MACROD1: variants seen among roughly 807,000 people sequenced by gnomAD.
The protein encoded by MACROD1 is mono-ADP ribosylhydrolase 1.
A neutral mutation model predicts 41.4 loss-of-function variants in MACROD1; 31 were observed. The ratio of observed to expected loss-of-function variants is 0.75; its 90% CI spans 0.56 to 1.01. The LOEUF is 1.01. MACROD1 is among the 50% of genes least tolerant of loss of function. The pLI, the probability that MACROD1 is intolerant of heterozygous loss-of-function variation, is 0.00. For synonymous variants in MACROD1, 252 were observed against 203.4 expected, an observed-to-expected ratio of 1.24 and a Z score of -2.03; for missense variants, 473 against 460.0, an observed-to-expected ratio of 1.03 and a Z score of -0.26.
chr11:64,092,499 C>G (rs1419064753), intron 3 of MACROD1, among the ~76,000 whole-genome samples: 1 of 152,228 alleles, frequency 6.6e-6, no homozygotes, highest in Non-Finnish European at 1.5e-5. Flanking sequence ...GGTCTTGACA[C>G]AGCATCCACG....
chr11:64,085,744 A>G (rs11231691), intron 3 of MACROD1, among the ~76,000 whole-genome samples: 113,544 of 152,138 alleles, frequency 0.75, 42,479 homozygotes, highest in Middle Eastern at 0.83. Context: ...AGTGTTGTCC[A>G]TTGGGGGCCT....
chr11:64,114,005 T>C (rs1944918078), intron 3 of MACROD1, among the ~76,000 whole-genome samples: 1 of 136,660 alleles, frequency 7.3e-6, no homozygotes, highest in African/African-American at 2.7e-5. Flanking sequence ...AATGGACAGG[T>C]GGATGCATGG....
At position 63,999,567 on chromosome 11, in the gene MACROD1, G is replaced by T. The variant is rs754916161; in HGVS notation, c.787-7C>A. ...TGGAGATGCAGGGGAACGCCTGGGC[G>T]GGGAGGGGTGAGAGGGGGTTGGAAC... is the stretch of plus-strand genomic sequence containing the variant. On this transcript the variant is annotated splice_polypyrimidine_tract_variant and splice_region_variant and intron_variant, in intron 6 of 10. Coordinates refer to ENST00000255681, the MANE Select transcript of MACROD1 (RefSeq NM_014067.4). 1 of 1,610,010 alleles carries T rather than the reference G, an allele frequency of 6.2e-7. No homozygotes were observed. Among genetic ancestry groups the T allele is most frequent in the Non-Finnish European group, 8.5e-7 (1 of 1,178,768 alleles).
chr11:64,134,424 G>T (rs867112789), intron 3 of MACROD1, among the ~76,000 whole-genome samples: 1 of 152,242 alleles, frequency 6.6e-6, no homozygotes, highest in Non-Finnish European at 1.5e-5. Context: ...AAGGGCAAGG[G>T]AGCTGGTGGG....
chr11:64,109,040 A>G (rs1329744239), intron 3 of MACROD1, among the ~76,000 whole-genome samples: 1 of 152,042 alleles, frequency 6.6e-6, no homozygotes. Context: ...CTACATACAG[A>G]GTTTACATGC....
intron 3 of MACROD1, among the ~76,000 whole-genome samples, chr11:64,088,539 GCAGGTGGCACCA>G (rs1252098617): frequency 3.9e-5 from 6 of 152,186 alleles, no homozygotes; most frequent in African/African-American, 1.4e-4. Flanking sequence ...CCTCTCACCT[GCAGGTGGCACCA>G]CCCTTTACAG....
intron 3 of MACROD1, among the ~76,000 whole-genome samples, chr11:64,068,714 G>A (rs943642401): frequency 6.6e-6 from 1 of 152,208 alleles, no homozygotes; most frequent in Non-Finnish European, 1.5e-5. Context: ...CCAGCTGAGG[G>A]CAGAGAAGCT....
Position 64,067,758 on chromosome 11 carries a change from G to A in MACROD1, c.518-52477C>T, listed in dbSNP as rs1291889146. Among the ~76,000 whole-genome samples the A allele has an allele frequency of 6.6e-6, 1 of 152,180 alleles. No homozygotes were observed. The highest frequency in any genetic ancestry group is 2.4e-5 in the African/African-American group (1 of 41,438). ...GGCTGCCACCCCCAGCTTGTGAACT[G>A]GGGGTGGCCCCAGAGCTGTTTGTTT... On this transcript the variant is annotated intron_variant, in intron 3 of 10. Coordinates refer to ENST00000255681, the MANE Select transcript of MACROD1 (RefSeq NM_014067.4). The surrounding 1 kb of genome is among the most constrained non-coding windows in gnomAD (Gnocchi z 4.6).
chr11:64,017,876 G>T (rs11231677), intron 3 of MACROD1, among the ~76,000 whole-genome samples: 1 of 151,972 alleles, frequency 6.6e-6, no homozygotes, highest in African/African-American at 2.4e-5. Flanking sequence ...GGTTGGCAGC[G>T]AGCCTCGAAG....
At chr11:64,037,210 A>G (rs1471423301) in intron 3 of MACROD1, among the ~76,000 whole-genome samples, 3 of 152,136 alleles carry the variant, frequency 2.0e-5, no homozygotes, top group Non-Finnish European at 4.4e-5. Flanking sequence ...TTGGATGGAA[A>G]CCAGCCCCTC....
chr11:64,152,443 G>T (rs1236170205), intron 1 of MACROD1, 50 bp from the exon 2 acceptor site: 2 of 1,413,462 alleles, frequency 1.4e-6, no homozygotes, highest in East Asian at 2.3e-5. Context: ...AACGGGCCTG[G>T]GGCTTGCACC....
At chr11:64,055,395 CGAT>C (rs1565211846) in intron 3 of MACROD1, among the ~76,000 whole-genome samples, 1 of 152,208 alleles carries the variant, frequency 6.6e-6, no homozygotes, top group African/African-American at 2.4e-5. Context: ...TCACAAGAAA[CGAT>C]GGGGGATGGG....
rs778988837 is a variant in MACROD1 at position 63,998,914 on chromosome 11, C to G, written c.973+41G>C. 47 of 1,591,438 alleles carry G rather than the reference C, an allele frequency of 3.0e-5. No individual in the cohort carries two copies. The Admixed American group carries it at 8.2e-4, about 28-fold the overall frequency. ...AGTGAGAGCCCGCCCCCAGGGTGGA[C>G]CGGGGCAGGGGCGGGCCGTGGGGCG... On this transcript the variant is annotated intron_variant, in intron 9 of 10. Coordinates refer to ENST00000255681, the MANE Select transcript of MACROD1 (RefSeq NM_014067.4).
chr11:64,061,724 G>A (rs1447005612), intron 3 of MACROD1, among the ~76,000 whole-genome samples: 1 of 147,898 alleles, frequency 6.8e-6, no homozygotes, highest in Non-Finnish European at 1.5e-5. Context: ...TTTTGAGATA[G>A]GGTCTCACTC....
intron 3 of MACROD1, among the ~76,000 whole-genome samples, chr11:64,126,293 A>G (rs1408985684): frequency 6.6e-6 from 1 of 152,150 alleles, no homozygotes; most frequent in East Asian, 1.9e-4. Flanking sequence ...CATGGGGAGG[A>G]AGCCACACGG....
Position 64,001,859 on chromosome 11 carries a change from C to T in MACROD1, c.548-1516G>A, listed in dbSNP as rs1014340689. ...GTGGCTGGGCTGTGGAGCTGGGCAA[C>T]GTGAGTTCACATCCTGGCTCTGCCA... On this transcript the variant is annotated intron_variant, in intron 4 of 10. Transcript: ENST00000255681. The T allele has an allele frequency of 4.4e-5, 30 of 675,246 alleles. 1 individual carries two copies. Among genetic ancestry groups the T allele is most frequent in the Middle Eastern group, 3.6e-4 (1 of 2,772 alleles). 41.8% of individuals were successfully genotyped at this position (675,246 alleles called of 1,614,324 possible).
At chr11:64,101,327 G>C (rs1944667145) in intron 3 of MACROD1, among the ~76,000 whole-genome samples, 1 of 152,178 alleles carries the variant, frequency 6.6e-6, no homozygotes, top group Non-Finnish European at 1.5e-5. Flanking sequence ...ACGCTCTCAG[G>C]ATAAAGCCGA....
At chr11:64,007,672 T>G (rs957243708) in intron 4 of MACROD1, among the ~76,000 whole-genome samples, 3 of 152,190 alleles carry the variant, frequency 2.0e-5, no homozygotes, top group African/African-American at 7.2e-5. Flanking sequence ...TTCCCTCTTC[T>G]GGACACGCCC....
chr11:64,078,880 C>T (rs1159401111), intron 3 of MACROD1, among the ~76,000 whole-genome samples: 3 of 152,138 alleles, frequency 2.0e-5, no homozygotes, highest in South Asian at 2.1e-4. Context: ...GAGGGGACAG[C>T]GAGAACTCAG....
Sources: allele counts gnomAD v4.1 joint callset (sites outside exome capture counted in the v4.1 genomes callset), GRCh38; gene constraint gnomAD v4.1.1; non-coding constraint Gnocchi (gnomAD v3.1); transcripts MANE v1.5; gene names NCBI Gene and HGNC (gene_info 2026-07-23, HGNC 2026-07-21).